The following TENT4A variants were observed in gnomAD, a reference collection of about 807,000 sequenced individuals.
TENT4A encodes the protein terminal nucleotidyltransferase 4A, also known as DNA polymerase kappa.
Under a neutral mutation model 72.8 loss-of-function variants are expected in TENT4A, and 7 were observed. The ratio of observed to expected loss-of-function variants is 0.10; its 90% confidence interval spans 0.05 to 0.18. The LOEUF is 0.18. TENT4A is among the 10% of genes least tolerant of loss of function. The probability of loss-of-function intolerance (pLI) is 1.00; values close to 1 mark genes in which losing one functional copy is unlikely to be tolerated. For missense variants in TENT4A, 831 were observed against 1,017.7 expected (o/e 0.82, Z 2.50); for synonymous variants, 456 against 434.3 (o/e 1.05, Z -0.62).
intron 1 of TENT4A, among the ~76,000 whole-genome samples, chr5:6,736,845 C>T (rs1006086944): frequency 6.6e-6 from 1 of 152,256 alleles, no homozygotes; most frequent in Non-Finnish European, 1.5e-5. Context: ...GGGTGTTGAC[C>T]TCCTTGTTGG....
At position 6,755,617 on chromosome 5, in the gene TENT4A, G is replaced by C. The variant is rs1450249104; in HGVS notation, c.*672G>C. On this transcript the variant is annotated 3_prime_UTR_variant, in exon 13 of 13. Coordinates refer to ENST00000230859, the MANE Select transcript of TENT4A (RefSeq NM_006999.6). ...CATCGTTACAAACACCATGATGAGG[G>C]GTTTGGGGTTTTATTTTGATGTCTT... is the stretch of plus-strand genomic sequence containing the variant. The C allele has an allele frequency of 6.6e-6, 1 of 152,532 alleles. No individual in the cohort carries two copies. The highest frequency in any genetic ancestry group is 1.5e-5 in the Non-Finnish European group (1 of 68,046). The allele number at this position is 152,532 out of a possible 1,614,324, so 9.4% of individuals were successfully genotyped here.
intron 1 of TENT4A, among the ~76,000 whole-genome samples, chr5:6,728,910 A>G (rs139500382): frequency 5.0e-4 from 76 of 152,330 alleles, no homozygotes; most frequent in African/African-American, 1.7e-3. Context: ...ACATTTGAGC[A>G]TATTTCTTGT....
intron 1 of TENT4A, among the ~76,000 whole-genome samples, chr5:6,723,718 A>T (rs778051372): frequency 6.6e-6 from 1 of 152,172 alleles, no homozygotes; most frequent in Non-Finnish European, 1.5e-5. Context: ...AAGAGATTAG[A>T]TTCAGATGTG....
At chr5:6,717,655 C>T (rs1163283643) in intron 1 of TENT4A, among the ~76,000 whole-genome samples, 1 of 152,252 alleles carries the variant, frequency 6.6e-6, no homozygotes, top group Non-Finnish European at 1.5e-5. Context: ...ATTGAAATCT[C>T]AAGCCTTTGT....
At chr5:6,753,110 C>T (rs531117805) in intron 12 of TENT4A, 73 bp downstream of exon 12, 245 of 1,388,566 alleles carry the variant, frequency 1.8e-4, no homozygotes, top group Non-Finnish European at 2.2e-4. Context: ...AATGTTTTCT[C>T]CTCCAGAGAG....
chr5:6,717,705 CT>C (rs1740456653), intron 1 of TENT4A, among the ~76,000 whole-genome samples: 4 of 152,306 alleles, frequency 2.6e-5, no homozygotes, highest in African/African-American at 9.6e-5. Context: ...TGCTATCTAC[CT>C]GGGCTTCTGA....
chr5:6,747,357 C>T (rs1742161013), intron 7 of TENT4A, among the ~76,000 whole-genome samples: 1 of 152,168 alleles, frequency 6.6e-6, no homozygotes, highest in African/African-American at 2.4e-5. Context: ...CCTTTCTTGT[C>T]ACACATGTCA....
At chr5:6,735,766 T>C (rs2126629357) in intron 1 of TENT4A, among the ~76,000 whole-genome samples, 1 of 151,710 alleles carries the variant, frequency 6.6e-6, no homozygotes, top group East Asian at 1.9e-4. Context: ...TTACTTTTTT[T>C]TTTTTTTTTG....
rs941999212 is a variant in TENT4A at position 6,756,956 on chromosome 5, G to T, written c.*2011G>T. On this transcript the variant is annotated 3_prime_UTR_variant, in exon 13 of 13. Transcript: ENST00000230859. ...AAAGATATCATGTTTCGATTTTTTT[G>T]TGTGTGGACAACAATATGGAAGCTA... 2 of 152,688 alleles carry T rather than the reference G, an allele frequency of 1.3e-5. No individual in the cohort carries two copies. Among genetic ancestry groups the T allele is most frequent in the Middle Eastern group, 3.4e-3 (1 of 294 alleles). 9.5% of individuals were successfully genotyped at this position (152,688 alleles called of 1,614,324 possible). A position where few individuals can be genotyped will look rare whatever the true frequency, so the allele number is the denominator to read the frequency against.
At chr5:6,716,865 C>G (rs968876432) in intron 1 of TENT4A, among the ~76,000 whole-genome samples, 5 of 152,208 alleles carry the variant, frequency 3.3e-5, no homozygotes, top group Non-Finnish European at 1.5e-5. Flanking sequence ...CTGGAGACCT[C>G]TCCTTGCCTG....
intron 3 of TENT4A, 85 bp from the exon 4 acceptor site, chr5:6,739,647 A>G: frequency 6.5e-7 from 1 of 1,531,560 alleles, no homozygotes; most frequent in Non-Finnish European, 8.9e-7. Context: ...ACACAGGCAC[A>G]TGTGCCTTGG....
chr5:6,753,069 T>G, intron 12 of TENT4A, 32 bp downstream of exon 12: 5 of 1,551,628 alleles, frequency 3.2e-6, no homozygotes, highest in Non-Finnish European at 3.5e-6. Flanking sequence ...TTCACCTACC[T>G]GTTCAAGCTG....
chr5:6,746,047 C>G, intron 6 of TENT4A, 167 bp from the exon 7 acceptor site: 3 of 1,474,818 alleles, frequency 2.0e-6, no homozygotes, highest in Non-Finnish European at 2.7e-6. Flanking sequence ...GAACACTCCT[C>G]GTTGAAGAGG....
At chr5:6,753,929 TCTC>T (rs888720203) in intron 12 of TENT4A, among the ~76,000 whole-genome samples, 7 of 152,194 alleles carry the variant, frequency 4.6e-5, no homozygotes, top group African/African-American at 1.7e-4. Context: ...GCTTTCCCAG[TCTC>T]CTCCTGCTGT....
chr5:6,750,255 C>A, intron 9 of TENT4A, 76 bp from the exon 10 acceptor site: 1 of 1,287,138 alleles, frequency 7.8e-7, no homozygotes, highest in Non-Finnish European at 1.1e-6. Flanking sequence ...TCAGCAGAGC[C>A]CGTGACTGAT....
intron 1 of TENT4A, among the ~76,000 whole-genome samples, chr5:6,727,479 G>A (rs60775028): frequency 0.023 from 3,438 of 152,254 alleles, 97 homozygotes; most frequent in African/African-American, 0.068. Flanking sequence ...CCATGGAGAC[G>A]GGTACACTCA....
At chr5:6,717,526 T>A (rs1740447579) in intron 1 of TENT4A, among the ~76,000 whole-genome samples, 2 of 152,254 alleles carry the variant, frequency 1.3e-5, no homozygotes, top group Admixed American at 1.3e-4. Context: ...CCAGTCTGCC[T>A]TCTGCTTCAA....
At chr5:6,731,738 G>C (rs1336586510) in intron 1 of TENT4A, among the ~76,000 whole-genome samples, 1 of 152,138 alleles carries the variant, frequency 6.6e-6, no homozygotes, top group Non-Finnish European at 1.5e-5. Context: ...GAGGAGGAGG[G>C]CATGTTCATT....
intron 1 of TENT4A, among the ~76,000 whole-genome samples, chr5:6,721,589 G>C (rs1323113488): frequency 1.3e-5 from 2 of 152,200 alleles, no homozygotes; most frequent in Admixed American, 6.5e-5. Context: ...GCCTGTCCCT[G>C]GTGTCCTGGA....
Sources: gnomAD v4.1 joint callset for allele counts (sites outside exome capture counted in the v4.1 genomes callset) on GRCh38, gnomAD v4.1.1 for gene constraint, MANE v1.5 for transcripts, NCBI Gene and HGNC (gene_info 2026-07-23, HGNC 2026-07-21) for gene names.